Variants in IRAG1 observed in about 807,000 individuals in gnomAD.
The protein encoded by IRAG1 is IP3R-associated cGMP kinase substrate.
Under a neutral mutation model 106.2 loss-of-function variants are expected in IRAG1, and 62 were observed. The ratio of observed to expected loss-of-function variants is 0.58; its 90% confidence interval spans 0.48 to 0.72. The LOEUF is 0.72. Among genes scored for constraint, IRAG1 ranks in the 30% least tolerant of loss-of-function variants. The pLI is 0.00. For missense variants in IRAG1, 1,064 were observed against 1,140.7 expected, an observed-to-expected ratio of 0.93 and a Z score of 0.97; for synonymous variants, 462 against 443.9, an observed-to-expected ratio of 1.04 and a Z score of -0.51.
At chr11:10,648,811 G>C (rs1858196087) in intron 2 of IRAG1, among the ~76,000 whole-genome samples, 1 of 152,108 alleles carries the variant, frequency 6.6e-6, no homozygotes, top group African/African-American at 2.4e-5. Context: ...GTGTGTGTCT[G>C]TGTGTGTGTA....
intron 1 of IRAG1, among the ~76,000 whole-genome samples, chr11:10,661,872 G>C (rs1051491971): frequency 2.0e-5 from 3 of 152,160 alleles, no homozygotes; most frequent in African/African-American, 7.2e-5. Flanking sequence ...CTTGGGGAGG[G>C]GGGAGTATTC....
At position 10,575,209 on chromosome 11, in the gene IRAG1, T is replaced by C. The variant is rs1320208031; in HGVS notation, c.*1123A>G. On this transcript the variant is annotated 3_prime_UTR_variant, in exon 21 of 21. Transcript: ENST00000423302. The stretch of plus-strand genomic sequence containing the variant: ...CTCCTTCAGTGTTGTGCTAAATAAC[T>C]GGGGATGCTCTGAAACACCCCTAAT... 3.3e-5 allele frequency: 5 copies of C among 152,222 alleles called. No individual in the cohort carries two copies. The highest frequency in any genetic ancestry group is 7.3e-5 in the Non-Finnish European group (5 of 68,042). The allele number at this position is 152,222 out of a possible 1,614,324, so 9.4% of individuals were successfully genotyped here. A position where few individuals can be genotyped will look rare whatever the true frequency, so the allele number is the denominator to read the frequency against.
intron 10 of IRAG1, chr11:10,611,662 G>T (rs1854972326): frequency 6.6e-6 from 1 of 152,140 alleles, no homozygotes; most frequent in South Asian, 2.1e-4. Flanking sequence ...AGTGACTAGA[G>T]AAAGAATAAA....
intron 1 of IRAG1, among the ~76,000 whole-genome samples, chr11:10,676,918 C>T (rs772314293): frequency 1.1e-4 from 16 of 152,210 alleles, no homozygotes; most frequent in African/African-American, 1.7e-4. Context: ...TCTGCAGAGA[C>T]GATGCCACAG....
Position 10,629,679 on chromosome 11 carries a change from C to T in IRAG1, c.433G>A (p.Asp145Asn), listed in dbSNP as rs1214412073. 2.5e-6 allele frequency: 4 copies of T among 1,613,866 alleles called. No homozygotes were observed. The highest frequency in any genetic ancestry group is 3.4e-6 in the Non-Finnish European group (4 of 1,179,846). ...PAGHIIDLVN[D>N]QLPDISISEE... ...GAGATGCTGATGTCTGGCAGCTGGT[C>T]ATTCACCAGGTCAATGATGTGCCCC... The change falls in exon 5 of 21, where the codon GAC (aspartate) becomes AAC (asparagine). Residue 145 changes from aspartate (D) to asparagine (N), a missense_variant. Transcript: ENST00000423302.
At chr11:10,603,652 C>T (rs1173926230) in intron 13 of IRAG1, among the ~76,000 whole-genome samples, 1 of 152,014 alleles carries the variant, frequency 6.6e-6, no homozygotes, top group African/African-American at 2.4e-5. Flanking sequence ...TGTCTGTGCC[C>T]CCCACAAAGT....
chr11:10,604,966 C>G (rs1421957816), intron 12 of IRAG1, among the ~76,000 whole-genome samples: 2 of 152,178 alleles, frequency 1.3e-5, no homozygotes, highest in African/African-American at 4.8e-5. Flanking sequence ...TTGAAAGAAA[C>G]TCCATGTGAG....
At position 10,666,717 on chromosome 11, in the gene IRAG1, A is replaced by G. The variant is rs138262159; in HGVS notation, c.68-14535T>C. ...CGTGAAGTATTTTCTTGTTTTTAGA[A>G]AAGACTGAGTAAAGAGAGCTCTGAG... On this transcript the variant is annotated intron_variant, in intron 1 of 20. Coordinates refer to ENST00000423302, the MANE Select transcript of IRAG1 (RefSeq NM_130385.4). 8.1e-4 allele frequency among the ~76,000 whole-genome samples: 123 copies of G among 152,366 alleles called. 1 individual carries two copies. Among genetic ancestry groups the G allele is most frequent in the African/African-American group, 2.8e-3 (115 of 41,590 alleles).
At chr11:10,610,867 A>C (rs192718476) in intron 10 of IRAG1, among the ~76,000 whole-genome samples, 9 of 152,260 alleles carry the variant, frequency 5.9e-5, no homozygotes, top group African/African-American at 2.2e-4. Context: ...GTTACTTTCC[A>C]TTTGCATGTA....
At chr11:10,688,278 G>A (rs1168665601) in intron 1 of IRAG1, among the ~76,000 whole-genome samples, 2 of 152,120 alleles carry the variant, frequency 1.3e-5, no homozygotes, top group Middle Eastern at 3.2e-3. Context: ...TAGGGACACT[G>A]TGCTGCCTCC....
intron 1 of IRAG1, among the ~76,000 whole-genome samples, chr11:10,671,718 A>G (rs1012761290): frequency 7.7e-6 from 1 of 130,556 alleles, no homozygotes; most frequent in African/African-American, 3.3e-5. Context: ...TCTTAAAAAC[A>G]ACAACAACAA....
At chr11:10,634,754 TGTGTGTGTGTG>T (rs1857011356) in intron 2 of IRAG1, among the ~76,000 whole-genome samples, 1 of 106 alleles carries the variant, frequency 9.4e-3, no homozygotes, top group South Asian at 0.25. Context: ...ATAATATTCT[TGTGTGTGTGTG>T]TGTGTGTGTG....
chr11:10,576,607 A>G, intron 20 of IRAG1, 32 bp from the exon 21 acceptor site: 1 of 1,612,690 alleles, frequency 6.2e-7, no homozygotes, highest in Non-Finnish European at 8.5e-7. Flanking sequence ...CAGAGGCTTT[A>G]GTATACTGGG....
intron 11 of IRAG1, among the ~76,000 whole-genome samples, chr11:10,609,090 A>G (rs1332511298): frequency 6.6e-6 from 1 of 152,088 alleles, no homozygotes; most frequent in Non-Finnish European, 1.5e-5. Flanking sequence ...TTTCCTCTGT[A>G]AATCTTACCA....
In IRAG1 at chr11:10,659,614, C is replaced by T. The variant is rs1417159219; in HGVS notation, c.68-7432G>A. ...ATAGGCTTTGTTGGCTGGGGGTGCCCTGGGAAGGAGCCAGCACCTGCTCAG... is the reference window on the plus strand; with the variant it reads ...ATAGGCTTTGTTGGCTGGGGGTGCCTTGGGAAGGAGCCAGCACCTGCTCAG... On this transcript the variant is annotated intron_variant, in intron 1 of 20. Transcript: ENST00000423302. This position sits in a 1 kb window ranked among gnomAD's most constrained non-coding sequence, Gnocchi z 4.1. Among the ~76,000 whole-genome samples, 2 of 152,156 alleles carry T rather than the reference C, an allele frequency of 1.3e-5. No homozygotes were observed. Among genetic ancestry groups the T allele is most frequent in the Non-Finnish European group, 2.9e-5 (2 of 68,026 alleles).
intron 9 of IRAG1, among the ~76,000 whole-genome samples, chr11:10,624,789 C>T (rs1423355589): frequency 6.6e-6 from 1 of 152,086 alleles, no homozygotes; most frequent in Non-Finnish European, 1.5e-5. Flanking sequence ...TGGTTAGTGA[C>T]ATGGGGCCTC....
At chr11:10,653,788 G>A (rs762056037) in intron 1 of IRAG1, among the ~76,000 whole-genome samples, 9 of 152,284 alleles carry the variant, frequency 5.9e-5, no homozygotes, top group Non-Finnish European at 1.0e-4. Flanking sequence ...AAGCTTGGCC[G>A]AAGCTCCAAG....
At chr11:10,652,850 G>A (rs1454067834) in intron 1 of IRAG1, among the ~76,000 whole-genome samples, 1 of 152,116 alleles carries the variant, frequency 6.6e-6, no homozygotes, top group African/African-American at 2.4e-5. Flanking sequence ...TCTCATTTGA[G>A]TTCAGCCCTT....
chr11:10,582,124 A>G, intron 18 of IRAG1, 138 bp from the exon 19 acceptor site: 1 of 1,099,168 alleles, frequency 9.1e-7, no homozygotes, highest in African/African-American at 1.6e-5. Context: ...TTTTTTCCCA[A>G]TCCTTCTACC....
Sources: gnomAD v4.1 joint callset for allele counts (sites outside exome capture counted in the v4.1 genomes callset) on GRCh38, gnomAD v4.1.1 for gene constraint, Gnocchi (gnomAD v3.1) non-coding constraint, MANE v1.5 for transcripts, NCBI Gene and HGNC (gene_info 2026-07-23, HGNC 2026-07-21) for gene names.